SLC8A1: variants seen among roughly 807,000 people sequenced by gnomAD.
SLC8A1 encodes the protein solute carrier family 8 member A1.
In SLC8A1, 18 loss-of-function variants were observed where a neutral mutation model predicts 68.3. The observed-to-expected ratio is 0.26, with a 90% CI of 0.18 to 0.39. The LOEUF (loss-of-function observed/expected upper bound fraction) is 0.39, where lower values mean the gene tolerates loss of function less well. Ranked by LOEUF, SLC8A1 falls within the 10% of genes least tolerant of loss-of-function variation. The pLI is 1.00. For missense variants in SLC8A1, 985 were observed against 1,156.7 expected (o/e 0.85, Z 2.15); for synonymous variants, 475 against 415.5 (o/e 1.14, Z -1.74).
At chr2:40,201,551 C>A (rs996367893) in intron 2 of SLC8A1, among the ~76,000 whole-genome samples, 2 of 151,876 alleles carry the variant, frequency 1.3e-5, no homozygotes, top group African/African-American at 4.8e-5. Context: ...TCTCCACTTT[C>A]CCTGAATGAC....
At chr2:40,329,786 C>G (rs1319147037) in intron 2 of SLC8A1, among the ~76,000 whole-genome samples, 1 of 152,138 alleles carries the variant, frequency 6.6e-6, no homozygotes, top group Non-Finnish European at 1.5e-5. Flanking sequence ...AAGTATTCCT[C>G]AATCCCATCC....
intron 2 of SLC8A1, among the ~76,000 whole-genome samples, chr2:40,252,826 ATAT>A: frequency 6.6e-6 from 1 of 150,770 alleles, no homozygotes; most frequent in Non-Finnish European, 1.5e-5. Flanking sequence ...ATATATATGT[ATAT>A]ACATGTGTAT....
intron 2 of SLC8A1, among the ~76,000 whole-genome samples, chr2:40,318,443 T>G (rs928361356): frequency 1.3e-5 from 2 of 152,006 alleles, no homozygotes; most frequent in African/African-American, 2.4e-5. Context: ...CATTAACTAA[T>G]GATCCTACAA....
chr2:40,240,957 T>C (rs1295245183), intron 2 of SLC8A1, among the ~76,000 whole-genome samples: 1 of 152,198 alleles, frequency 6.6e-6, no homozygotes, highest in African/African-American at 2.4e-5. Context: ...TTAAAGAACT[T>C]AAAACAGAGG....
chr2:40,216,962 G>A (rs1192213553), intron 2 of SLC8A1, among the ~76,000 whole-genome samples: 1 of 152,172 alleles, frequency 6.6e-6, no homozygotes, highest in Admixed American at 6.5e-5. Flanking sequence ...TGTTCACTCT[G>A]AGGATAGTTT....
At chr2:40,272,564 G>C (rs1451093857) in intron 2 of SLC8A1, among the ~76,000 whole-genome samples, 1 of 152,164 alleles carries the variant, frequency 6.6e-6, no homozygotes, top group East Asian at 1.9e-4. Context: ...CTGAGGACTG[G>C]GTCAGGTCCC....
At chr2:40,160,652 A>T in intron 6 of SLC8A1, 113 bp downstream of exon 9, 1 of 832,950 alleles carries the variant, frequency 1.2e-6, no homozygotes, top group Non-Finnish European at 2.0e-6. Flanking sequence ...TTTCTCCCTT[A>T]ATTTTGCCAT....
chr2:40,427,970 T>G (rs1301422627), intron 2 of SLC8A1, among the ~76,000 whole-genome samples: 1 of 152,102 alleles, frequency 6.6e-6, no homozygotes, highest in East Asian at 1.9e-4. Context: ...CAAAACACAA[T>G]GTCACATAAA....
At chr2:40,233,605 T>A (rs9679380) in intron 2 of SLC8A1, among the ~76,000 whole-genome samples, 93,099 of 125,020 alleles carry the variant, frequency 0.74, 35,580 homozygotes, top group Middle Eastern at 0.84. Flanking sequence ...TTTTAATTAG[T>A]TCCCATTTGT....
chr2:40,273,563 A>G (rs1033968185), intron 2 of SLC8A1, among the ~76,000 whole-genome samples: 3 of 152,188 alleles, frequency 2.0e-5, no homozygotes, highest in African/African-American at 4.8e-5. Flanking sequence ...ACCAGTATGG[A>G]AAGCCCCAAG....
chr2:40,198,838 G>T (rs774256436), intron 2 of SLC8A1, among the ~76,000 whole-genome samples: 61 of 151,456 alleles, frequency 4.0e-4, no homozygotes, highest in Non-Finnish European at 7.8e-4. Flanking sequence ...TCAATTGTCA[G>T]ACCCTTTCCC....
chr2:40,305,658 C>G (rs572483608), intron 2 of SLC8A1, among the ~76,000 whole-genome samples: 1 of 152,120 alleles, frequency 6.6e-6, no homozygotes, highest in Non-Finnish European at 1.5e-5. Flanking sequence ...TAACAGTTTA[C>G]CTTTCTGACT....
At chr2:40,430,203 TAAGAGACTC>T (rs771114600) in exon 2 of SLC8A1, 1 of 1,613,532 alleles carries the variant, frequency 6.2e-7, no homozygotes, top group Non-Finnish European at 8.5e-7. Context: ...CATGGGAAAA[TAAGAGACTC>T]ACAGTAACTA....
intron 2 of SLC8A1, among the ~76,000 whole-genome samples, chr2:40,225,753 C>T (rs1194982776): frequency 3.3e-5 from 5 of 152,112 alleles, no homozygotes; most frequent in Non-Finnish European, 5.9e-5. Context: ...GGTGAAAGCC[C>T]CTCCCAAAGT....
chr2:40,303,336 G>C (rs973685119), intron 2 of SLC8A1, among the ~76,000 whole-genome samples: 2 of 152,184 alleles, frequency 1.3e-5, no homozygotes, highest in African/African-American at 4.8e-5. Context: ...CACATTCTGA[G>C]CCTGATTGGT....
intron 2 of SLC8A1, among the ~76,000 whole-genome samples, chr2:40,190,331 C>G (rs114021911): frequency 3.3e-5 from 5 of 152,118 alleles, no homozygotes; most frequent in South Asian, 2.1e-4. Flanking sequence ...TATACACATA[C>G]GCAAACTGAG....
At chr2:40,459,218 C>T (rs1017937563) in intron 1 of SLC8A1, among the ~76,000 whole-genome samples, 1 of 152,074 alleles carries the variant, frequency 6.6e-6, no homozygotes, top group African/African-American at 2.4e-5. Context: ...TGCTATGAAG[C>T]TCATAAAGCA....
At chr2:40,146,097 C>A (rs928497516) in intron 6 of SLC8A1, among the ~76,000 whole-genome samples, 1 of 152,210 alleles carries the variant, frequency 6.6e-6, no homozygotes, top group Non-Finnish European at 1.5e-5. Context: ...TATTGGAAGA[C>A]ACTTCCTATC....
intron 2 of SLC8A1, among the ~76,000 whole-genome samples, chr2:40,221,777 G>T: frequency 6.6e-6 from 1 of 152,136 alleles, no homozygotes; most frequent in Non-Finnish European, 1.5e-5. Flanking sequence ...ATTCACAATT[G>T]CTACAAAGAG....
Sources: allele counts gnomAD v4.1 joint callset (sites outside exome capture counted in the v4.1 genomes callset), GRCh38; gene constraint gnomAD v4.1.1; transcripts MANE v1.5; gene names NCBI Gene and HGNC (gene_info 2026-07-23, HGNC 2026-07-21).